Variants in ABCB1 observed in about 807,000 individuals in gnomAD.
The protein encoded by ABCB1 is ATP-dependent translocase ABCB1.
A neutral mutation model predicts 142.0 loss-of-function variants in ABCB1; 69 were observed. That is an observed-to-expected ratio of 0.49 (90% CI 0.40 to 0.59). The LOEUF is 0.59. Ranked by LOEUF, ABCB1 falls within the 20% of genes least tolerant of loss-of-function variation. The pLI is 0.00. For synonymous variants in ABCB1, 532 were observed against 539.2 expected (o/e 0.99, Z 0.18); for missense variants, 1,326 against 1,554.7 (o/e 0.85, Z 2.47).
intron 22 of ABCB1, among the ~76,000 whole-genome samples, chr7:87,520,382 T>G (rs1322619089): frequency 6.6e-6 from 1 of 152,056 alleles, no homozygotes; most frequent in Non-Finnish European, 1.5e-5. Flanking sequence ...GGAGAAGGGG[T>G]AAAAAGCAGA....
intron 1 of ABCB1, among the ~76,000 whole-genome samples, chr7:87,600,540 G>C (rs969453767): frequency 3.3e-5 from 5 of 152,184 alleles, no homozygotes; most frequent in Non-Finnish European, 5.9e-5. Flanking sequence ...TGCGCGCTCC[G>C]GGCAACATGG....
chr7:87,519,746 T>C (rs1815410612), intron 22 of ABCB1, among the ~76,000 whole-genome samples: 2 of 152,188 alleles, frequency 1.3e-5, no homozygotes, highest in Admixed American at 1.3e-4. Flanking sequence ...AAAGAGCCGG[T>C]TAGGGATCAA....
At chr7:87,700,578 T>A (rs771189417) in intron 1 of ABCB1, 5 of 1,588,702 alleles carry the variant, frequency 3.1e-6, no homozygotes, top group Admixed American at 1.8e-5. Context: ...CAGAGACTCG[T>A]TTCTATTTTT....
At chr7:87,573,531 C>A (rs1157667843) in intron 4 of ABCB1, among the ~76,000 whole-genome samples, 1 of 152,182 alleles carries the variant, frequency 6.6e-6, no homozygotes, top group Non-Finnish European at 1.5e-5. Context: ...AACAAGACTA[C>A]TGTAACTAAT....
intron 5 of ABCB1, among the ~76,000 whole-genome samples, chr7:87,569,760 T>G (rs1817958185): frequency 6.6e-6 from 1 of 152,138 alleles, no homozygotes; most frequent in Non-Finnish European, 1.5e-5. Context: ...TGATCATAGC[T>G]CACTGCAGCT....
chr7:87,545,586 T>C (rs1445216583), intron 15 of ABCB1, among the ~76,000 whole-genome samples: 2 of 152,240 alleles, frequency 1.3e-5, no homozygotes, highest in Non-Finnish European at 2.9e-5. Context: ...TCAGATTCAC[T>C]ACCATTTAAA....
chr7:87,549,940 GA>G lies in ABCB1; in HGVS notation c.1464del (p.Arg489AlafsTer26). ...VLFATTIAEN[I>X]RYGRENVTMD... ...ATGGTGACATTTTCACGGCCATAGC[GA>G]ATGTTTTCAGCTATCGTGGTGGCAA... On this transcript the variant is annotated frameshift_variant, in exon 13 of 28. Coordinates refer to ENST00000622132, the MANE Select transcript of ABCB1 (RefSeq NM_001348946.2). LOFTEE classifies it high-confidence loss of function. 6.2e-7 allele frequency: 1 copy of G among 1,614,138 alleles called. No individual in the cohort carries two copies. Among genetic ancestry groups the G allele is most frequent in the Non-Finnish European group, 8.5e-7 (1 of 1,180,022 alleles).
intron 1 of ABCB1, among the ~76,000 whole-genome samples, chr7:87,654,757 A>C (rs1374642054): frequency 6.6e-6 from 1 of 152,114 alleles, no homozygotes; most frequent in Non-Finnish European, 1.5e-5. Context: ...ACATCATCAG[A>C]GTAAAGAGAC....
At chr7:87,643,085 T>G (rs1822612537) in intron 1 of ABCB1, among the ~76,000 whole-genome samples, 2 of 152,106 alleles carry the variant, frequency 1.3e-5, no homozygotes, top group Non-Finnish European at 1.5e-5. Context: ...CCTGACTAAT[T>G]TTTACATTTC....
chr7:87,650,306 G>C (rs1012062934), intron 1 of ABCB1, among the ~76,000 whole-genome samples: 3 of 152,080 alleles, frequency 2.0e-5, no homozygotes, highest in Admixed American at 2.0e-4. Flanking sequence ...CTTAAACCAG[G>C]TAATTTATAA....
chr7:87,601,976 A>T (rs558134720), upstream of ABCB1, among the ~76,000 whole-genome samples: 31 of 152,092 alleles, frequency 2.0e-4, no homozygotes, highest in South Asian at 6.2e-3. Flanking sequence ...CAATACAATG[A>T]AGTTTTCTTT....
At chr7:87,507,249 T>C (rs1292006131) in intron 26 of ABCB1, among the ~76,000 whole-genome samples, 1 of 152,182 alleles carries the variant, frequency 6.6e-6, no homozygotes, top group Non-Finnish European at 1.5e-5. Context: ...CCAGGATTTG[T>C]CCTGTGGTAG....
chr7:87,550,977 T>G (rs1817039769), intron 9 of ABCB1, 139 bp from the exon 10 acceptor site: 1 of 660,546 alleles, frequency 1.5e-6, no homozygotes, highest in African/African-American at 1.8e-5. Context: ...GTGTTAAAAA[T>G]ATTTTAAAAG....
chr7:87,535,264 A>G (rs1367055539), intron 20 of ABCB1, among the ~76,000 whole-genome samples: 6 of 151,900 alleles, frequency 3.9e-5, no homozygotes, highest in Non-Finnish European at 8.8e-5. Context: ...CTACTTCTGG[A>G]TATAATGCTG....
At chr7:87,529,103 C>T (rs1474396253) in intron 21 of ABCB1, among the ~76,000 whole-genome samples, 1 of 152,100 alleles carries the variant, frequency 6.6e-6, no homozygotes, top group Non-Finnish European at 1.5e-5. Context: ...TATGAGAGGT[C>T]AGAATGACTT....
rs1331820228 is a variant in ABCB1, at chr7:87,548,119, G to C, written c.1725+1229C>G. Among the ~76,000 whole-genome samples, 10 of 112,766 alleles carry C rather than the reference G, an allele frequency of 8.9e-5. No individual in the cohort carries two copies. In the East Asian group the frequency reaches 2.1e-3, roughly 24 times the overall value. The allele number at this position is 112,766 out of a possible 152,430, so 74.0% of individuals were successfully genotyped here. On this transcript the variant is annotated intron_variant, in intron 14 of 27. Transcript: ENST00000622132. ...AGAAAAGGGAGGGGAGGGGATGGGA[G>C]GGGAGGGAAGGGGAGGGAAGGGAAG... is the stretch of plus-strand genomic sequence containing the variant.
In ABCB1 at chr7:87,539,279, T is replaced by C; in HGVS notation, c.2386A>G (p.Met796Val). 2 of 1,614,122 alleles carry C rather than the reference T, an allele frequency of 1.2e-6. No individual in the cohort carries two copies. Among genetic ancestry groups the C allele is most frequent in the Middle Eastern group, 1.7e-4 (1 of 6,030 alleles). Residue 796 changes from methionine to valine, a missense_variant, in exon 19 of 28, where the codon ATG (methionine) becomes GTG (valine). By Grantham distance (21) the Met-to-Val change is conservative (BLOSUM62 1). Coordinates refer to ENST00000622132, the MANE Select transcript of ABCB1 (RefSeq NM_001348946.2). ...KRLRYMVFRS[M>V]LRQDVSWFDD... Reference sequence around the variant, plus strand: ...CTCGATAGACATACCTGTCTGAGCATGGATCGGAAAACCATGTATCGGAGC... The same window carrying C: ...CTCGATAGACATACCTGTCTGAGCACGGATCGGAAAACCATGTATCGGAGC...
intron 9 of ABCB1, among the ~76,000 whole-genome samples, chr7:87,553,317 C>CTTTTTTTTTT (rs941637830): frequency 3.6e-5 from 4 of 112,664 alleles, no homozygotes; most frequent in Non-Finnish European, 5.3e-5. Flanking sequence ...TTTTTTTCCA[C>CTTTTTTTTTT]TTTTTTTTTT....
intron 1 of ABCB1, among the ~76,000 whole-genome samples, chr7:87,661,101 TGATA>T (rs1043898096): frequency 5.5e-4 from 84 of 152,144 alleles, no homozygotes; most frequent in African/African-American, 1.8e-3. Flanking sequence ...GATTTTATTC[TGATA>T]GATTACATTT....
Sources: gnomAD v4.1 joint callset for allele counts (sites outside exome capture counted in the v4.1 genomes callset) on GRCh38, gnomAD v4.1.1 for gene constraint, MANE v1.5 for transcripts, NCBI Gene and HGNC (gene_info 2026-07-23, HGNC 2026-07-21) for gene names.